NSMCE2: variants seen among roughly 807,000 people sequenced by gnomAD.
The protein encoded by NSMCE2 is NSE2 SUMO ligase component of SMC5/6 complex, also known as E3 SUMO-protein ligase NSE2.
Under a neutral mutation model 23.8 loss-of-function variants are expected in NSMCE2, and 24 were observed. That is an observed-to-expected ratio of 1.01 (90% confidence interval 0.73 to 1.42). The LOEUF (loss-of-function observed/expected upper bound fraction) is 1.42, where lower values mean the gene tolerates loss of function less well. Ranked by LOEUF, NSMCE2 falls within the 40% of genes most tolerant of loss-of-function variation. The pLI, the probability that NSMCE2 is intolerant of heterozygous loss-of-function variation, is 0.00. For synonymous variants in NSMCE2, 92 were observed against 94.1 expected (o/e 0.98, Z 0.13); for missense variants, 284 against 296.5 (o/e 0.96, Z 0.31).
intron 3 of NSMCE2, among the ~76,000 whole-genome samples, chr8:125,116,848 A>G (rs1266822159): frequency 6.6e-6 from 1 of 150,398 alleles, no homozygotes; most frequent in Non-Finnish European, 1.5e-5. Context: ...TACTGAAGAT[A>G]TATCTCTTGA....
At chr8:125,212,985 TA>T (rs1256770490) in intron 5 of NSMCE2, among the ~76,000 whole-genome samples, 1 of 152,124 alleles carries the variant, frequency 6.6e-6, no homozygotes, top group Non-Finnish European at 1.5e-5. Context: ...TCTAATCTGT[TA>T]AAAAAATCAA....
chr8:125,307,902 G>C (rs116380486), intron 5 of NSMCE2, among the ~76,000 whole-genome samples: 1 of 152,180 alleles, frequency 6.6e-6, no homozygotes, highest in African/African-American at 2.4e-5. Flanking sequence ...AGTTGTATAC[G>C]CATATGTCAG....
chr8:125,166,899 T>A (rs1216924760), intron 4 of NSMCE2, among the ~76,000 whole-genome samples: 1 of 152,224 alleles, frequency 6.6e-6, no homozygotes, highest in Non-Finnish European at 1.5e-5. Flanking sequence ...CCTGGTGGCA[T>A]GCACCTGTAG....
chr8:125,323,619 A>G (rs1379797224), intron 5 of NSMCE2, among the ~76,000 whole-genome samples: 1 of 152,248 alleles, frequency 6.6e-6, no homozygotes, highest in Non-Finnish European at 1.5e-5. Context: ...TAACAATCCA[A>G]TATTCATATA....
At chr8:125,312,743 G>A (rs957052676) in intron 5 of NSMCE2, among the ~76,000 whole-genome samples, 3 of 152,212 alleles carry the variant, frequency 2.0e-5, no homozygotes, top group African/African-American at 7.2e-5. Context: ...CAAGAGATCT[G>A]TTTCAAGTGC....
At chr8:125,363,589 GAAGGAAGGAGAAA>G (rs1813657509) in intron 7 of NSMCE2, among the ~76,000 whole-genome samples, 2 of 122,506 alleles carry the variant, frequency 1.6e-5, no homozygotes, top group South Asian at 3.4e-4. Flanking sequence ...GGGAGGGAGG[GAAGGAAGGAGAAA>G]GGAGGAGGGG....
At chr8:125,104,145 C>T (rs1018319287) in intron 3 of NSMCE2, among the ~76,000 whole-genome samples, 5 of 152,108 alleles carry the variant, frequency 3.3e-5, no homozygotes, top group Non-Finnish European at 7.4e-5. Context: ...CATGCGCCAC[C>T]ACGCCCAGCT....
intron 6 of NSMCE2, 104 bp from the exon 7 acceptor site, chr8:125,357,608 A>G (rs1054144818): frequency 1.5e-5 from 12 of 821,498 alleles, no homozygotes; most frequent in African/African-American, 3.4e-5. Flanking sequence ...ATGTAAAGCC[A>G]TGAGAATGGG....
intron 5 of NSMCE2, among the ~76,000 whole-genome samples, chr8:125,356,326 G>GTTTT (rs747884264): frequency 4.0e-4 from 42 of 105,452 alleles, no homozygotes; most frequent in African/African-American, 5.3e-4. Flanking sequence ...TAATTTTTTG[G>GTTTT]TTTTTTTTTT....
At chr8:125,202,199 A>T (rs1823915099) in intron 5 of NSMCE2, among the ~76,000 whole-genome samples, 1 of 151,964 alleles carries the variant, frequency 6.6e-6, no homozygotes, top group South Asian at 2.1e-4. Flanking sequence ...GCCCTACTTC[A>T]CCTTGCCCTC....
At chr8:125,329,188 C>T (rs1306363249) in intron 5 of NSMCE2, among the ~76,000 whole-genome samples, 1 of 152,198 alleles carries the variant, frequency 6.6e-6, no homozygotes, top group Non-Finnish European at 1.5e-5. Flanking sequence ...GACCTCAGTC[C>T]CCAGCAGCGG....
chr8:125,337,299 T>C (rs1226600117), intron 5 of NSMCE2, among the ~76,000 whole-genome samples: 1 of 152,232 alleles, frequency 6.6e-6, no homozygotes, highest in Non-Finnish European at 1.5e-5. Context: ...TCTAAGTCTA[T>C]GACAGGTCTG....
At chr8:125,173,906 A>G (rs1035477436) in intron 4 of NSMCE2, among the ~76,000 whole-genome samples, 1 of 152,204 alleles carries the variant, frequency 6.6e-6, no homozygotes, top group Admixed American at 6.5e-5. Context: ...CGAGCTGCCT[A>G]TTCCTCATAT....
chr8:125,178,173 C>G (rs894314569), intron 4 of NSMCE2, among the ~76,000 whole-genome samples: 6 of 152,158 alleles, frequency 3.9e-5, no homozygotes, highest in Admixed American at 1.3e-4. Flanking sequence ...TATCACTTTA[C>G]CCCTTGAAAT....
chr8:125,199,203 A>G (rs1823758917), intron 5 of NSMCE2, among the ~76,000 whole-genome samples: 1 of 151,860 alleles, frequency 6.6e-6, no homozygotes, highest in African/African-American at 2.4e-5. Context: ...GATCTGAGTT[A>G]TTTCTTGCCT....
At chr8:125,263,771 G>A (rs1826799765) in intron 5 of NSMCE2, among the ~76,000 whole-genome samples, 1 of 148,630 alleles carries the variant, frequency 6.7e-6, no homozygotes, top group Admixed American at 6.7e-5. Flanking sequence ...AAAAAAAAAA[G>A]AAGAGGCCTG....
At chr8:125,341,918 A>C (rs780848006) in intron 5 of NSMCE2, among the ~76,000 whole-genome samples, 7,830 of 150,750 alleles carry the variant, frequency 0.052, 282 homozygotes, top group Non-Finnish European at 0.084. Context: ...AAAAAAAAAA[A>C]AAAACCTGTC....
intron 1 of NSMCE2, among the ~76,000 whole-genome samples, chr8:125,094,948 G>A (rs1392223197): frequency 6.6e-6 from 1 of 152,158 alleles, no homozygotes; most frequent in East Asian, 1.9e-4. Context: ...CAACCTCCCG[G>A]CTCAAGCGAT....
chr8:125,330,175 TTCTTTC>T (rs1829817311), intron 5 of NSMCE2, among the ~76,000 whole-genome samples: 1 of 70,102 alleles, frequency 1.4e-5, no homozygotes, highest in Non-Finnish European at 2.9e-5. Flanking sequence ...TTTTTCTTTT[TTCTTTC>T]TTTTTTTTTT....
Sources: allele counts gnomAD v4.1 joint callset (sites outside exome capture counted in the v4.1 genomes callset), GRCh38; gene constraint gnomAD v4.1.1; transcripts MANE v1.5; gene names NCBI Gene and HGNC (gene_info 2026-07-23, HGNC 2026-07-21).